DYSF: variants seen among roughly 807,000 people sequenced by gnomAD.
The protein encoded by DYSF is dystrophy-associated fer-1-like 1.
In DYSF, 212 loss-of-function variants were observed where a neutral mutation model predicts 274.9. The observed-to-expected ratio is 0.77, with a 90% CI of 0.69 to 0.86. The LOEUF (loss-of-function observed/expected upper bound fraction) is 0.86. Ranked by LOEUF, DYSF falls within the 40% of genes least tolerant of loss-of-function variation. The probability of loss-of-function intolerance (pLI) is 0.00; values close to 1 mark genes in which losing one functional copy is unlikely to be tolerated. For missense variants in DYSF, 2,666 were observed against 2,783.2 expected, an observed-to-expected ratio of 0.96 and a Z score of 0.95; for synonymous variants, 1,091 against 1,078.7, an observed-to-expected ratio of 1.01 and a Z score of -0.22.
rs2092229350 is a variant in DYSF, at chr2:71,568,292, G to A, written c.2818G>A (p.Ala940Thr). Residue 940 changes from alanine (A) to threonine (T), a missense_variant, in exon 26 of 56, where the codon GCC becomes ACC. Ala to Thr is a moderately conservative substitution (Grantham distance 58, BLOSUM62 0). This residue lies in a region of DYSF where 412 missense variants were observed against 504.0 expected (regional missense o/e 0.82). Transcript: ENST00000410020. ...KLPKDSFRPS[A>T]GWTWAGDWFV... is the part of the protein sequence containing the mutation. ...ACCCAAGGACAGCTTCCGCCCCTCG[G>A]CCGGCTGGACCTGGGCTGGAGATTG... 6.2e-7 allele frequency: 1 copy of A among 1,614,222 alleles called. No individual in the cohort carries two copies. The highest frequency in any genetic ancestry group is 8.5e-7 in the Non-Finnish European group (1 of 1,180,054).
chr2:71,656,932 C>T (rs1310650264), intron 43 of DYSF, among the ~76,000 whole-genome samples: 1 of 152,174 alleles, frequency 6.6e-6, no homozygotes, highest in African/African-American at 2.4e-5. Flanking sequence ...CTGGCCCCTC[C>T]AAATCTCATG....
Position 71,539,355 on chromosome 2 carries a change from C to G in DYSF, c.1576+116C>G, listed in dbSNP as rs961161655. The G allele has an allele frequency of 4.4e-6, 4 of 907,276 alleles. No homozygotes were observed. In the East Asian group the frequency reaches 1.0e-4, roughly 23 times the overall value. The allele number at this position is 907,276 out of a possible 1,614,324, so 56.2% of individuals were successfully genotyped here. The stretch of plus-strand genomic sequence containing the variant: ...CAGAAAAGGGGAGATTATAAGGCCT[C>G]TGTTGCCCATTTTCCACTGAGAAGA... On this transcript the variant is annotated intron_variant, in intron 17 of 55. Coordinates refer to ENST00000410020, the MANE Select transcript of DYSF (RefSeq NM_001130987.2).
At chr2:71,475,815 C>T (rs780202285) in intron 1 of DYSF, among the ~76,000 whole-genome samples, 20 of 152,168 alleles carry the variant, frequency 1.3e-4, no homozygotes, top group Non-Finnish European at 2.4e-4. Context: ...GTTGCCCAGG[C>T]TGGAGTGCAG....
Position 71,503,269 on chromosome 2 carries a change from T to A in DYSF, c.295T>A (p.Ser99Thr). 1 of 1,614,092 alleles carries A rather than the reference T, an allele frequency of 6.2e-7. No individual in the cohort carries two copies. Residue 99 changes from serine (S) to threonine (T), a missense_variant, in exon 4 of 56, where the codon TCC becomes ACC. This residue lies in a region of DYSF where 794 missense variants were observed against 777.1 expected (regional missense o/e 1.02). Coordinates refer to ENST00000410020, the MANE Select transcript of DYSF (RefSeq NM_001130987.2). ...LREVLATPSL[S>T]ASFNAPLLDT... is the part of the protein sequence containing the mutation. The stretch of plus-strand genomic sequence containing the variant: ...AGAGGTCCTCGCCACCCCTAGTCTG[T>A]CCGCCAGCTTCAATGCCCCCCTGCT...
rs70963107 is a variant in DYSF at position 71,640,740 on chromosome 2, C to CGTGTGT, written c.4528-3200_4528-3195dup. ...TCTCTCTTCAGGAATGAGATTAATC[C>CGTGTGT]GTGTGTGTGTGTGTGTGTGTGTGTG... On this transcript the variant is annotated intron_variant, in intron 41 of 55. Transcript: ENST00000410020. 6.8e-3 allele frequency among the ~76,000 whole-genome samples: 1,005 copies of CGTGTGT among 148,366 alleles called. 13 individuals are homozygous for CGTGTGT. Among genetic ancestry groups the CGTGTGT allele is most frequent in the African/African-American group, 0.023 (943 of 40,596 alleles).
At chr2:71,459,354 T>C (rs1188058806) in intron 1 of DYSF, among the ~76,000 whole-genome samples, 2 of 152,160 alleles carry the variant, frequency 1.3e-5, no homozygotes, top group Admixed American at 1.3e-4. Flanking sequence ...ATTAGAAGCA[T>C]GCCTTCCTCG....
chr2:71,639,582 T>G (rs1331773818), intron 41 of DYSF, among the ~76,000 whole-genome samples: 1 of 152,140 alleles, frequency 6.6e-6, no homozygotes, highest in East Asian at 1.9e-4. Flanking sequence ...ACTTTTTAGG[T>G]TGTGTAATGT....
At chr2:71,589,489 GC>G in intron 30 of DYSF, 103 bp from the exon 31 acceptor site, 1 of 900,890 alleles carries the variant, frequency 1.1e-6, no homozygotes, top group Non-Finnish European at 1.9e-6. Context: ...GCTTTCGGCA[GC>G]GGAGAGATCT....
intron 4 of DYSF, among the ~76,000 whole-genome samples, chr2:71,509,326 C>T (rs2085836937): frequency 6.6e-6 from 1 of 151,926 alleles, no homozygotes; most frequent in South Asian, 2.1e-4. Flanking sequence ...CCATGCCTGG[C>T]TAATTTTTTG....
chr2:71,551,335 C>T (rs1325201626), intron 18 of DYSF, among the ~76,000 whole-genome samples, 179 bp downstream of exon 18: 2 of 152,234 alleles, frequency 1.3e-5, no homozygotes, highest in East Asian at 1.9e-4. Context: ...CAGTCTGATC[C>T]TTCCATGTTC....
chr2:71,550,141 TC>T (rs2090825987), intron 17 of DYSF, among the ~76,000 whole-genome samples: 1 of 152,256 alleles, frequency 6.6e-6, no homozygotes, highest in Non-Finnish European at 1.5e-5. Flanking sequence ...TCCAGAGGGT[TC>T]CTGTCTCTGG....
chr2:71,526,537 G>A (rs544704547), intron 13 of DYSF, among the ~76,000 whole-genome samples, 191 bp downstream of exon 13: 13 of 152,368 alleles, frequency 8.5e-5, no homozygotes, highest in African/African-American at 3.1e-4. Flanking sequence ...GAGAGTAATA[G>A]CTGCCTCTCA....
intron 36 of DYSF, among the ~76,000 whole-genome samples, chr2:71,608,186 G>C (rs1260563029): frequency 6.6e-6 from 1 of 152,094 alleles, no homozygotes; most frequent in East Asian, 1.9e-4. Context: ...AGCAGGTGGT[G>C]TGGACATGAG....
intron 3 of DYSF, among the ~76,000 whole-genome samples, chr2:71,488,164 A>G (rs2083507415): frequency 6.6e-6 from 1 of 152,176 alleles, no homozygotes; most frequent in South Asian, 2.1e-4. Context: ...TTAAGCAGGG[A>G]TTAATTGTCC....
intron 5 of DYSF, 127 bp downstream of exon 5, chr2:71,512,048 C>T (rs1164874501): frequency 1.4e-6 from 1 of 720,088 alleles, no homozygotes; most frequent in African/African-American, 1.7e-5. Flanking sequence ...GGAGGCTGCC[C>T]AGGCCTGGAA....
chr2:71,667,419 G>A lies in DYSF; in HGVS notation c.5361G>A (p.Glu1787=), dbSNP rs140812535. ...IPNPHLGPVE[E]RLALHVLQQQ... ...ACCCACACCTGGGCCCAGTGGAGGAGCGTCTGGCTCTGCATGTGCTTCAGC... is the reference window on the plus strand; with the variant it reads ...ACCCACACCTGGGCCCAGTGGAGGAACGTCTGGCTCTGCATGTGCTTCAGC... The change falls in exon 48 of 56, where the codon GAG becomes GAA. Residue 1787 remains glutamate (E), a synonymous_variant. Transcript: ENST00000410020. The A allele has an allele frequency of 1.9e-5, 30 of 1,614,026 alleles. No individual in the cohort carries two copies. The highest frequency in any genetic ancestry group is 2.5e-5 in the Non-Finnish European group (29 of 1,180,048).
chr2:71,548,050 C>A (rs1257620015), intron 17 of DYSF, among the ~76,000 whole-genome samples: 1 of 152,216 alleles, frequency 6.6e-6, no homozygotes, highest in Non-Finnish European at 1.5e-5. Context: ...GCAGAAAACT[C>A]CCCATGAGCA....
intron 41 of DYSF, among the ~76,000 whole-genome samples, chr2:71,636,801 A>G (rs2094410709): frequency 6.6e-6 from 1 of 152,188 alleles, no homozygotes; most frequent in Admixed American, 6.5e-5. Context: ...TGAGGCACTC[A>G]GATGGCCAAA....
chr2:71,663,041 G>GTGCATATTTGTGTGTGTATGT (rs1558764048), intron 45 of DYSF, among the ~76,000 whole-genome samples: 1 of 152,128 alleles, frequency 6.6e-6, no homozygotes, highest in Admixed American at 6.5e-5. Flanking sequence ...GTGTGTGTGT[G>GTGCATATTTGTGTGTGTATGT]CGCGCACGCG....
Sources: gnomAD v4.1 joint callset for allele counts (sites outside exome capture counted in the v4.1 genomes callset) on GRCh38, gnomAD v4.1.1 for gene constraint, gnomAD v4.1.1 regional missense constraint, MANE v1.5 for transcripts, NCBI Gene and HGNC (gene_info 2026-07-23, HGNC 2026-07-21) for gene names.